CTNNA3: variants seen among roughly 807,000 people sequenced by gnomAD.
CTNNA3 encodes the protein catenin alpha-3.
Under a neutral mutation model 95.7 loss-of-function variants are expected in CTNNA3, and 76 were observed. The ratio of observed to expected loss-of-function variants is 0.79; its 90% CI spans 0.66 to 0.96. The LOEUF (loss-of-function observed/expected upper bound fraction) is 0.96. Ranked by LOEUF, CTNNA3 falls within the 40% of genes least tolerant of loss-of-function variation. The pLI is 0.00. For missense variants in CTNNA3, 1,191 were observed against 1,089.8 expected (o/e 1.09, Z -1.31); for synonymous variants, 431 against 374.4 (o/e 1.15, Z -1.74).
chr10:66,333,218 CTCTA>C (rs1190413215), intron 12 of CTNNA3, among the ~76,000 whole-genome samples: 2 of 151,764 alleles, frequency 1.3e-5, no homozygotes, highest in African/African-American at 4.8e-5. Context: ...TTTTTTGTGT[CTCTA>C]TCTACTTCAG....
At chr10:66,704,910 C>T (rs771707250) in intron 9 of CTNNA3, among the ~76,000 whole-genome samples, 12 of 152,064 alleles carry the variant, frequency 7.9e-5, no homozygotes, top group Non-Finnish European at 1.5e-4. Flanking sequence ...TTATTGCTTT[C>T]CTTAGTGCAC....
chr10:67,117,553 A>C (rs988807025), intron 7 of CTNNA3, among the ~76,000 whole-genome samples: 2 of 152,128 alleles, frequency 1.3e-5, no homozygotes, highest in Non-Finnish European at 2.9e-5. Flanking sequence ...TGAAAAGAAG[A>C]CTGTAAACAA....
rs915069212 is a variant in CTNNA3, at chr10:67,743,758, A to G, written c.-2+19676T>C. ...GATTGTATATCTAGAAAACCCCACTATCTCAGCCCAAAATCTCCTTAAGCT... is the reference window on the plus strand; with the variant it reads ...GATTGTATATCTAGAAAACCCCACTGTCTCAGCCCAAAATCTCCTTAAGCT... On this transcript the variant is annotated intron_variant, in intron 1 of 17. Coordinates refer to the CTNNA3 transcript ENST00000684154. Among the ~76,000 whole-genome samples, 38 of 151,158 alleles carry G rather than the reference A, an allele frequency of 2.5e-4. 1 individual carries two copies. The highest frequency in any genetic ancestry group is 7.3e-4 in the African/African-American group (30 of 41,288).
chr10:66,735,384 G>A (rs977000243), intron 9 of CTNNA3, among the ~76,000 whole-genome samples: 2 of 151,848 alleles, frequency 1.3e-5, no homozygotes, highest in Admixed American at 6.6e-5. Flanking sequence ...TACTACTCAT[G>A]ACTAATGGTA....
At chr10:66,424,157 C>T (rs1235051908) in intron 11 of CTNNA3, among the ~76,000 whole-genome samples, 1 of 151,730 alleles carries the variant, frequency 6.6e-6, no homozygotes, top group Non-Finnish European at 1.5e-5. Context: ...ACTTTATTTA[C>T]AGTATGAGTT....
intron 8 of CTNNA3, among the ~76,000 whole-genome samples, chr10:66,772,503 C>G (rs974190766): frequency 4.0e-5 from 6 of 150,386 alleles, no homozygotes; most frequent in African/African-American, 1.5e-4. Flanking sequence ...CACAACACTG[C>G]GAAGGAGAGC....
intron 13 of CTNNA3, among the ~76,000 whole-genome samples, chr10:66,263,861 CT>C (rs2091078970): frequency 6.6e-6 from 1 of 151,824 alleles, no homozygotes; most frequent in Non-Finnish European, 1.5e-5. Flanking sequence ...TTCTTGTTAT[CT>C]TTTTAAGTCT....
At chr10:66,641,450 C>T (rs1845514135) in intron 9 of CTNNA3, among the ~76,000 whole-genome samples, 2 of 152,062 alleles carry the variant, frequency 1.3e-5, no homozygotes, top group Admixed American at 6.6e-5. Flanking sequence ...GCTCCTAACC[C>T]ACAGAAACTA....
rs545566458 is a variant in CTNNA3, at chr10:66,905,142, T to C, written c.1048-129618A>G. Among the ~76,000 whole-genome samples, 669 of 152,122 alleles carry C rather than the reference T, an allele frequency of 4.4e-3. 4 individuals are homozygous for C. Among genetic ancestry groups the C allele is most frequent in the African/African-American group, 0.015 (643 of 41,496 alleles). ...AACCCAAATGTCCATCAATAATAGATTGGATTAAGAAAACGTGGCACATAT... is the reference window on the plus strand; with the variant it reads ...AACCCAAATGTCCATCAATAATAGACTGGATTAAGAAAACGTGGCACATAT... On this transcript the variant is annotated intron_variant, in intron 7 of 17. Coordinates refer to ENST00000433211, the MANE Select transcript of CTNNA3 (RefSeq NM_013266.4).
chr10:67,557,249 G>T (rs1415630703), intron 3 of CTNNA3, among the ~76,000 whole-genome samples: 5 of 152,188 alleles, frequency 3.3e-5, no homozygotes, highest in Non-Finnish European at 7.3e-5. Context: ...AAAAAAGAAA[G>T]TTGGTGATAT....
chr10:67,332,577 A>G (rs1841836278), intron 5 of CTNNA3, among the ~76,000 whole-genome samples: 1 of 152,190 alleles, frequency 6.6e-6, no homozygotes, highest in Non-Finnish European at 1.5e-5. Flanking sequence ...TGACCTAAAC[A>G]ACACTTACCT....
intron 1 of CTNNA3, among the ~76,000 whole-genome samples, chr10:67,732,815 A>T (rs1841282823): frequency 6.6e-6 from 1 of 152,112 alleles, no homozygotes; most frequent in Non-Finnish European, 1.5e-5. Flanking sequence ...TAATATAACC[A>T]AAGAAAATAT....
chr10:67,488,663 G>T (rs1016461367), intron 5 of CTNNA3, among the ~76,000 whole-genome samples: 2 of 141,864 alleles, frequency 1.4e-5, no homozygotes, highest in African/African-American at 2.8e-5. Context: ...GAGCCAAAGT[G>T]CCCGGCCTCT....
At chr10:66,105,177 T>C (rs1343178598) in intron 13 of CTNNA3, among the ~76,000 whole-genome samples, 3 of 151,938 alleles carry the variant, frequency 2.0e-5, no homozygotes, top group South Asian at 4.1e-4. Flanking sequence ...CCTTCTTTGC[T>C]GCAACTACAT....
At chr10:66,862,631 A>C (rs765150142) in intron 7 of CTNNA3, among the ~76,000 whole-genome samples, 2 of 152,208 alleles carry the variant, frequency 1.3e-5, no homozygotes, top group Non-Finnish European at 2.9e-5. Flanking sequence ...AATGAGAAGC[A>C]AGAAAGACAG....
At chr10:67,684,698 TGTTA>T (rs1195243254) in intron 1 of CTNNA3, among the ~76,000 whole-genome samples, 1 of 152,116 alleles carries the variant, frequency 6.6e-6, no homozygotes, top group African/African-American at 2.4e-5. Flanking sequence ...CAGTAGAAGT[TGTTA>T]GTTGAGCTCA....
chr10:66,409,475 G>T (rs1216084386), intron 11 of CTNNA3, among the ~76,000 whole-genome samples: 1 of 152,120 alleles, frequency 6.6e-6, no homozygotes, highest in Non-Finnish European at 1.5e-5. Flanking sequence ...AGTTACTGTG[G>T]GGAAACCAGG....
At chr10:66,576,159 A>G (rs965310694) in intron 10 of CTNNA3, among the ~76,000 whole-genome samples, 1 of 152,054 alleles carries the variant, frequency 6.6e-6, no homozygotes, top group Admixed American at 6.6e-5. Context: ...GTACAATCCA[A>G]TGATGTGAAT....
At chr10:66,720,198 AAAGAGAGAAG>A (rs1469059640) in intron 9 of CTNNA3, among the ~76,000 whole-genome samples, 1 of 152,154 alleles carries the variant, frequency 6.6e-6, no homozygotes, top group Non-Finnish European at 1.5e-5. Context: ...AAAAAAAATG[AAAGAGAGAAG>A]AAGAGAGAAA....
Sources: gnomAD v4.1 joint callset for allele counts (sites outside exome capture counted in the v4.1 genomes callset) on GRCh38, gnomAD v4.1.1 for gene constraint, MANE v1.5 for transcripts, NCBI Gene and HGNC (gene_info 2026-07-23, HGNC 2026-07-21) for gene names.